RANBP17: variants seen among roughly 807,000 people sequenced by gnomAD.
RANBP17 encodes the protein RAN binding protein 17.
A neutral mutation model predicts 141.2 loss-of-function variants in RANBP17; 158 were observed. The ratio of observed to expected loss-of-function variants is 1.12; its 90% confidence interval spans 0.98 to 1.28. The LOEUF (loss-of-function observed/expected upper bound fraction) is 1.28, where lower values mean the gene tolerates loss of function less well. RANBP17 is among the 50% of genes most tolerant of loss of function. The pLI is 0.00. For missense variants in RANBP17, 1,438 were observed against 1,290.7 expected (o/e 1.11, Z -1.75); for synonymous variants, 430 against 450.0 (o/e 0.96, Z 0.56).
intron 25 of RANBP17, among the ~76,000 whole-genome samples, chr5:171,274,145 TGTGTGCGCGCGCGCGCGC>T (rs1370836887): frequency 5.4e-5 from 7 of 129,632 alleles, no homozygotes; most frequent in African/African-American, 2.1e-4. Context: ...TGTGTGTGTG[TGTGTGCGCGCGCGCGCGC>T]GTGCGCAAAA....
chr5:171,266,813 G>A (rs1051833459), intron 25 of RANBP17, among the ~76,000 whole-genome samples: 8 of 151,948 alleles, frequency 5.3e-5, no homozygotes, highest in Non-Finnish European at 1.5e-5. Context: ...TCGGGATGCT[G>A]AGGCAGAAGA....
chr5:170,956,278 C>T (rs1775687173), intron 13 of RANBP17, among the ~76,000 whole-genome samples: 1 of 151,728 alleles, frequency 6.6e-6, no homozygotes, highest in South Asian at 2.1e-4. Context: ...AATTGTTATA[C>T]CTACTTGTGA....
At chr5:170,976,375 T>C (rs1196850051) in intron 14 of RANBP17, among the ~76,000 whole-genome samples, 1 of 152,188 alleles carries the variant, frequency 6.6e-6, no homozygotes, top group Non-Finnish European at 1.5e-5. Context: ...TGGTCATGGA[T>C]TACAAGACTT....
chr5:170,939,623 T>C (rs1306699573), intron 12 of RANBP17, among the ~76,000 whole-genome samples: 1 of 152,068 alleles, frequency 6.6e-6, no homozygotes, highest in Non-Finnish European at 1.5e-5. Context: ...TGATCTCAAG[T>C]GATCTGCCCA....
chr5:170,892,224 G>C (rs1042979909), intron 3 of RANBP17, among the ~76,000 whole-genome samples, 163 bp from the exon 4 acceptor site: 1 of 148,158 alleles, frequency 6.7e-6, no homozygotes, highest in Non-Finnish European at 1.5e-5. Flanking sequence ...GTGTTTTGCT[G>C]TACCTATCAA....
At chr5:171,125,023 G>A (rs1463280241) in intron 14 of RANBP17, among the ~76,000 whole-genome samples, 9 of 152,288 alleles carry the variant, frequency 5.9e-5, no homozygotes, top group Admixed American at 2.6e-4. Flanking sequence ...GGCTGGGGGC[G>A]GTGGCTCACG....
At position 171,031,540 on chromosome 5, in the gene RANBP17, T is replaced by C. The variant is rs141370910; in HGVS notation, c.1710+63163T>C. 3.3e-3 allele frequency among the ~76,000 whole-genome samples: 498 copies of C among 152,140 alleles called. 3 individuals are homozygous for C. The highest frequency in any genetic ancestry group is 5.7e-3 in the Non-Finnish European group (388 of 67,920). ...CTGAAATTGGGGTTTCTTTTCTTCATTCTCCCTTTCCAGTTAGGATTTGAT... is the reference window on the plus strand; with the variant it reads ...CTGAAATTGGGGTTTCTTTTCTTCACTCTCCCTTTCCAGTTAGGATTTGAT... On this transcript the variant is annotated intron_variant, in intron 14 of 27. Transcript: ENST00000523189.
chr5:170,948,615 G>C (rs974836373), intron 12 of RANBP17, among the ~76,000 whole-genome samples: 5 of 152,260 alleles, frequency 3.3e-5, no homozygotes, highest in African/African-American at 9.6e-5. Context: ...ACTTAATATT[G>C]TTAAGATGGC....
intron 14 of RANBP17, among the ~76,000 whole-genome samples, chr5:171,141,991 T>C (rs1007647472): frequency 3.9e-5 from 6 of 152,196 alleles, no homozygotes; most frequent in African/African-American, 1.4e-4. Context: ...GCCTTCAAAG[T>C]AAAATCAAGA....
At position 171,261,082 on chromosome 5, in the gene RANBP17, A is replaced by AT. The variant is rs1292899150; in HGVS notation, c.2777-4599_2777-4598insT. On this transcript the variant is annotated intron_variant, in intron 24 of 27. Transcript: ENST00000523189. ...ATTTTACACATTAGCTTCACCCCCC[A>AT]CCCCCCCCAAAAAAAAAAACCAAAA... 2.4e-3 allele frequency among the ~76,000 whole-genome samples: 77 copies of AT among 31,826 alleles called. 4 individuals are homozygous for AT. Among genetic ancestry groups the AT allele is most frequent in the Non-Finnish European group, 3.0e-3 (52 of 17,124 alleles). 20.9% of individuals were successfully genotyped at this position (31,826 alleles called of 152,430 possible). A position where few individuals can be genotyped will look rare whatever the true frequency, so the allele number is the denominator to read the frequency against.
chr5:170,887,647 T>A (rs1769272053), intron 3 of RANBP17, among the ~76,000 whole-genome samples: 2 of 152,234 alleles, frequency 1.3e-5, no homozygotes, highest in South Asian at 4.1e-4. Flanking sequence ...TAGGTTTTTT[T>A]ATTCTGTTCT....
intron 14 of RANBP17, among the ~76,000 whole-genome samples, chr5:171,134,107 A>G (rs1333163612): frequency 3.3e-5 from 5 of 152,202 alleles, no homozygotes; most frequent in Admixed American, 3.3e-4. Context: ...TGCTGTTTTT[A>G]ATGGTTATTC....
In RANBP17 at chr5:170,916,479, A is replaced by T. The variant is rs763915815; in HGVS notation, c.849A>T (p.Leu283Phe). The T allele has an allele frequency of 2.6e-6, 4 of 1,564,726 alleles. No individual in the cohort carries two copies. Among genetic ancestry groups the T allele is most frequent in the Non-Finnish European group, 3.5e-6 (4 of 1,155,316 alleles). Reference protein sequence around the residue: ...PLLSQLALSCLVQFASTRRSL... With the variant: ...PLLSQLALSCFVQFASTRRSL... ...GTATTTTTTAGGCACTTTCATGTTT[A>T]GTTCAGTTTGCTTCGACAAGAAGGT... Residue 283 changes from leucine to phenylalanine, a missense_variant, in exon 9 of 28, where the codon TTA becomes TTT. Coordinates refer to ENST00000523189, the MANE Select transcript of RANBP17 (RefSeq NM_022897.5).
At chr5:171,221,867 C>T (rs2127981897) in intron 22 of RANBP17, 27 bp downstream of exon 22, 1 of 1,254,534 alleles carries the variant, frequency 8.0e-7, no homozygotes, top group Non-Finnish European at 1.2e-6. Flanking sequence ...ATATGTGCCT[C>T]TGCAATATAG....
At chr5:170,958,662 T>C (rs2127509386) in intron 13 of RANBP17, among the ~76,000 whole-genome samples, 1 of 152,256 alleles carries the variant, frequency 6.6e-6, no homozygotes, top group South Asian at 2.1e-4. Flanking sequence ...TTCCAACTCC[T>C]CAGAGAACAC....
chr5:171,144,771 T>A (rs376197097), intron 14 of RANBP17, among the ~76,000 whole-genome samples: 1 of 152,274 alleles, frequency 6.6e-6, no homozygotes, highest in African/African-American at 2.4e-5. Flanking sequence ...TATGACTTAC[T>A]GTGAGACAGG....
intron 14 of RANBP17, among the ~76,000 whole-genome samples, chr5:171,077,968 G>A (rs1785038664): frequency 6.6e-6 from 1 of 152,158 alleles, no homozygotes; most frequent in Admixed American, 6.5e-5. Flanking sequence ...AGCTAGCAGA[G>A]GTTGGTTCAT....
intron 14 of RANBP17, among the ~76,000 whole-genome samples, chr5:171,032,127 C>A (rs1235393321): frequency 6.6e-6 from 1 of 152,048 alleles, no homozygotes; most frequent in East Asian, 1.9e-4. Flanking sequence ...GGGATGAACA[C>A]AATATATCAC....
rs934887985 is a variant in RANBP17 at position 171,047,699 on chromosome 5, A to G, written c.1710+79322A>G. ...ATGATCCGCCTGCCTCAGCCTCCCA[A>G]GTCTTACCCATTTTTTAAGTTAGCT... On this transcript the variant is annotated intron_variant, in intron 14 of 27. Transcript: ENST00000523189. Among the ~76,000 whole-genome samples the G allele has an allele frequency of 6.4e-4, 97 of 152,206 alleles. 2 individuals are homozygous for G. Among genetic ancestry groups the G allele is most frequent in the Admixed American group, 3.9e-4 (6 of 15,286 alleles).
Sources: gnomAD v4.1 joint callset for allele counts (sites outside exome capture counted in the v4.1 genomes callset) on GRCh38, gnomAD v4.1.1 for gene constraint, MANE v1.5 for transcripts, NCBI Gene and HGNC (gene_info 2026-07-23, HGNC 2026-07-21) for gene names.